RNF150: variants seen among roughly 807,000 people sequenced by gnomAD.
RNF150 encodes ring finger protein 150.
In RNF150, 24 loss-of-function variants were observed where a neutral mutation model predicts 39.3. That is an observed-to-expected ratio of 0.61 (90% CI 0.44 to 0.86). The LOEUF (loss-of-function observed/expected upper bound fraction) is 0.86. Ranked by LOEUF, RNF150 falls within the 40% of genes least tolerant of loss-of-function variation. RNF150 has a pLI of 0.00. For missense variants in RNF150, 502 were observed against 587.8 expected (o/e 0.85, Z 1.51); for synonymous variants, 255 against 227.3 (o/e 1.12, Z -1.10).
At chr4:140,880,566 G>GT (rs1729335421) in intron 6 of RNF150, among the ~76,000 whole-genome samples, 1 of 150,758 alleles carries the variant, frequency 6.6e-6, no homozygotes, top group Admixed American at 6.6e-5. Context: ...TTTTGGAAGA[G>GT]TTTGAGAAGA....
chr4:141,097,983 C>T (rs1024821721), intron 1 of RNF150, among the ~76,000 whole-genome samples: 1 of 150,832 alleles, frequency 6.6e-6, no homozygotes, highest in Non-Finnish European at 1.5e-5. Flanking sequence ...CTTCAGATGC[C>T]CCCCTCCCTT....
At chr4:140,912,774 ACTGAAACTCAAT>A (rs1730655532) in intron 5 of RNF150, among the ~76,000 whole-genome samples, 1 of 152,166 alleles carries the variant, frequency 6.6e-6, no homozygotes, top group South Asian at 2.1e-4. Context: ...GAGCCAATTC[ACTGAAACTCAAT>A]CTGTCAAAAG....
chr4:140,931,243 G>C (rs1468667541), intron 4 of RNF150, among the ~76,000 whole-genome samples: 3 of 151,908 alleles, frequency 2.0e-5, no homozygotes, highest in Non-Finnish European at 2.9e-5. Flanking sequence ...CTACTCTTTT[G>C]TGTAACCTTC....
intron 1 of RNF150, among the ~76,000 whole-genome samples, chr4:141,078,629 C>CAA (rs564217554): frequency 1.4e-5 from 2 of 141,636 alleles, no homozygotes; most frequent in African/African-American, 2.6e-5. Context: ...AAAATACAAA[C>CAA]AAAAAAAAAA....
chr4:141,045,998 A>T (rs1233070303), intron 1 of RNF150, among the ~76,000 whole-genome samples: 1 of 152,202 alleles, frequency 6.6e-6, no homozygotes, highest in Non-Finnish European at 1.5e-5. Flanking sequence ...GTCTCCACAT[A>T]CAAGGTTGAG....
chr4:140,959,993 C>A (rs1429096199), intron 2 of RNF150, among the ~76,000 whole-genome samples: 7 of 152,068 alleles, frequency 4.6e-5, no homozygotes, highest in African/African-American at 1.7e-4. Context: ...CACATTGGTA[C>A]CCCCATTCCT....
chr4:141,012,977 G>A (rs2110755004), intron 1 of RNF150, among the ~76,000 whole-genome samples: 1 of 152,136 alleles, frequency 6.6e-6, no homozygotes, highest in East Asian at 1.9e-4. Flanking sequence ...AAAACCAAAT[G>A]CAACCATTGG....
At chr4:141,082,191 ATACATAT>A (rs1738176739) in intron 1 of RNF150, among the ~76,000 whole-genome samples, 2 of 152,246 alleles carry the variant, frequency 1.3e-5, no homozygotes, top group East Asian at 3.8e-4. Context: ...CAAAGTAGTT[ATACATAT>A]TATTGGCCAA....
Position 140,947,753 on chromosome 4 carries a change from AC to A in RNF150, c.808-18del. On this transcript the variant is annotated intron_variant, in intron 3 of 6. Coordinates refer to ENST00000515673, the MANE Select transcript of RNF150 (RefSeq NM_020724.2). ...CTCTGTTTCCTGCAACAGAGGAAGC[AC>A]AGATGAGCCTATTTTCTTAGCTTCA... The A allele has an allele frequency of 6.5e-7, 1 of 1,538,910 alleles. No individual in the cohort carries two copies. The highest frequency in any genetic ancestry group is 1.9e-5 in the Admixed American group (1 of 53,072).
At chr4:141,152,525 A>G (rs1727319599) in intron 1 of RNF150, among the ~76,000 whole-genome samples, 1 of 152,148 alleles carries the variant, frequency 6.6e-6, no homozygotes, top group African/African-American at 2.4e-5. Context: ...TTTATTATTT[A>G]TTTGCATGAA....
intron 1 of RNF150, among the ~76,000 whole-genome samples, chr4:141,027,758 C>T (rs1316592052): frequency 2.0e-5 from 3 of 152,080 alleles, no homozygotes; most frequent in Admixed American, 6.6e-5. Flanking sequence ...CCCTTAATGA[C>T]TGAATGGTGC....
chr4:141,210,505 G>A (rs567059361), intron 1 of RNF150, among the ~76,000 whole-genome samples: 27 of 148,632 alleles, frequency 1.8e-4, no homozygotes, highest in Non-Finnish European at 3.7e-4. Flanking sequence ...TTTTTTCCAG[G>A]GAGAGGGTAG....
intron 1 of RNF150, among the ~76,000 whole-genome samples, chr4:141,109,931 C>G (rs1739333043): frequency 6.6e-6 from 1 of 152,088 alleles, no homozygotes. Context: ...AAAGCAGTAG[C>G]CTCTGGCTTG....
chr4:141,074,977 C>T (rs1207417515), intron 1 of RNF150, among the ~76,000 whole-genome samples: 1 of 152,202 alleles, frequency 6.6e-6, no homozygotes, highest in East Asian at 1.9e-4. Context: ...ACATTTCTGA[C>T]TATAAATTAA....
intron 1 of RNF150, among the ~76,000 whole-genome samples, chr4:141,080,566 G>A (rs191568182): frequency 9.9e-5 from 15 of 152,036 alleles, no homozygotes; most frequent in Admixed American, 2.6e-4. Flanking sequence ...TTTCAACAAC[G>A]TCTCCTAGAA....
At chr4:140,880,620 TAA>T (rs1729337280) in intron 6 of RNF150, among the ~76,000 whole-genome samples, 1 of 151,112 alleles carries the variant, frequency 6.6e-6, no homozygotes, top group Non-Finnish European at 1.5e-5. Context: ...AATTCTCCAG[TAA>T]AGCCATCTGG....
chr4:141,200,084 C>G (rs1728267030), intron 1 of RNF150, among the ~76,000 whole-genome samples: 1 of 152,086 alleles, frequency 6.6e-6, no homozygotes, highest in Non-Finnish European at 1.5e-5. Context: ...TTAGTTTGGG[C>G]TACTGTAACA....
At chr4:141,158,288 CCAAAAA>C (rs558636687) in intron 1 of RNF150, among the ~76,000 whole-genome samples, 10 of 151,938 alleles carry the variant, frequency 6.6e-5, no homozygotes, top group African/African-American at 9.7e-5. Flanking sequence ...AAAATTCCAT[CCAAAAA>C]CAAAAACAAA....
At chr4:140,979,623 G>A (rs1033284304) in intron 1 of RNF150, among the ~76,000 whole-genome samples, 3 of 151,702 alleles carry the variant, frequency 2.0e-5, no homozygotes, top group African/African-American at 7.3e-5. Flanking sequence ...GACCAAAGGA[G>A]GCAGAGTGGG....
Sources: allele counts gnomAD v4.1 joint callset (sites outside exome capture counted in the v4.1 genomes callset), GRCh38; gene constraint gnomAD v4.1.1; transcripts MANE v1.5; gene names NCBI Gene and HGNC (gene_info 2026-07-23, HGNC 2026-07-21).